The following BMS1 variants were observed in gnomAD, a reference collection of about 807,000 sequenced individuals.
BMS1 encodes BMS1 ribosome biogenesis factor.
A neutral mutation model predicts 138.7 loss-of-function variants in BMS1; 53 were observed. The ratio of observed to expected loss-of-function variants is 0.38; its 90% CI spans 0.31 to 0.48. The LOEUF is 0.48. Among genes scored for constraint, BMS1 ranks in the 20% least tolerant of loss-of-function variants. The pLI is 0.97. For missense variants in BMS1, 1,360 were observed against 1,565.5 expected (o/e 0.87, Z 2.22); for synonymous variants, 504 against 539.9 (o/e 0.93, Z 0.92).
intron 21 of BMS1, among the ~76,000 whole-genome samples, chr10:42,828,048 AGT>A: frequency 6.6e-6 from 1 of 152,346 alleles, no homozygotes; most frequent in Non-Finnish European, 1.5e-5. Context: ...CCAAATCATA[AGT>A]GTGCAGCTAG....
intron 21 of BMS1, among the ~76,000 whole-genome samples, chr10:42,829,062 CTT>C (rs1362392977): frequency 6.6e-6 from 1 of 152,182 alleles, no homozygotes; most frequent in African/African-American, 2.4e-5. Context: ...ATATAGTTGA[CTT>C]TAACAAAAGC....
chr10:42,793,061 T>A lies in BMS1; in HGVS notation c.1006T>A (p.Tyr336Asn), dbSNP rs1841563509. ...RCLNEKEKLV[Y>N]APLSGVGGVL... ...TTTAAATGAGAAGGAGAAGCTGGTT[T>A]ATGCGCCTCTTTCTGGAGTTGGGGG... The change falls in exon 8 of 23, where the codon TAT becomes AAT. Residue 336 changes from tyrosine to asparagine, a missense_variant. Transcript: ENST00000374518. 3 of 1,613,970 alleles carry A rather than the reference T, an allele frequency of 1.9e-6. No individual in the cohort carries two copies. Among genetic ancestry groups the A allele is most frequent in the Non-Finnish European group, 2.5e-6 (3 of 1,180,000 alleles).
intron 9 of BMS1, 44 bp downstream of exon 9, chr10:42,794,035 A>G (rs1413171416): frequency 6.3e-7 from 1 of 1,589,834 alleles, no homozygotes; most frequent in East Asian, 2.2e-5. Context: ...GATGTATTAC[A>G]AAAGATCATA....
chr10:42,784,843 A>C (rs1248577045), intron 2 of BMS1, among the ~76,000 whole-genome samples: 1 of 152,222 alleles, frequency 6.6e-6, no homozygotes, highest in East Asian at 1.9e-4. Flanking sequence ...TATGGTGATA[A>C]GTGTGCTTTT....
At chr10:42,816,173 C>G (rs188053160) in intron 13 of BMS1, among the ~76,000 whole-genome samples, 34 of 152,202 alleles carry the variant, frequency 2.2e-4, no homozygotes, top group Middle Eastern at 6.8e-3. Flanking sequence ...GTGGCGGGTG[C>G]CTATAATCCC....
At chr10:42,794,536 A>C (rs1245537059) in intron 9 of BMS1, among the ~76,000 whole-genome samples, 1 of 150,684 alleles carries the variant, frequency 6.6e-6, no homozygotes, top group Non-Finnish European at 1.5e-5. Context: ...AATTTATCTG[A>C]AAATTTTGAG....
chr10:42,796,682 G>A lies in BMS1; in HGVS notation c.1438G>A (p.Val480Ile). 1 of 1,614,196 alleles carries A rather than the reference G, an allele frequency of 6.2e-7. No homozygotes were observed. Among genetic ancestry groups the A allele is most frequent in the Non-Finnish European group, 8.5e-7 (1 of 1,180,036 alleles). The change falls in exon 10 of 23, where the codon GTT becomes ATT. Residue 480 changes from valine (V) to isoleucine (I), a missense_variant. Around this residue, in one of 3 missense-constraint regions of BMS1, gnomAD observed 697 missense variants for 686.2 expected, o/e 1.02. Coordinates refer to ENST00000374518, the MANE Select transcript of BMS1 (RefSeq NM_014753.4). ...TGAGATGACTGATCAGTATATGGCT[G>A]TTAAGGGCATCAAACGACGGAAACT... Reference protein sequence around the residue: ...NAEMTDQYMAVKGIKRRKLEL... With the variant: ...NAEMTDQYMAIKGIKRRKLEL...
intron 13 of BMS1, among the ~76,000 whole-genome samples, chr10:42,809,700 T>C (rs1842112141): frequency 6.6e-6 from 1 of 152,228 alleles, no homozygotes; most frequent in Non-Finnish European, 1.5e-5. Context: ...GATTGGATGT[T>C]GAATTTTGTC....
chr10:42,790,591 CA>C, intron 5 of BMS1, 80 bp downstream of exon 5: 2 of 1,436,212 alleles, frequency 1.4e-6, no homozygotes, highest in Non-Finnish European at 1.9e-6. Context: ...CAGTGGCTAA[CA>C]CCTGTAATCC....
intron 13 of BMS1, among the ~76,000 whole-genome samples, chr10:42,807,018 T>C (rs555335196): frequency 6.6e-6 from 1 of 152,294 alleles, no homozygotes; most frequent in African/African-American, 2.4e-5. Context: ...CCTATGTAGA[T>C]TTCTCCAGTT....
At chr10:42,816,755 A>T (rs1403198769) in intron 14 of BMS1, 83 bp downstream of exon 14, 66 of 1,128,024 alleles carry the variant, frequency 5.9e-5, no homozygotes, top group Non-Finnish European at 7.6e-5. Flanking sequence ...CTTACTTGTG[A>T]TGTGTGAAGA....
In BMS1 at chr10:42,796,791, G is replaced by T. The variant is rs1328541612; in HGVS notation, c.1547G>T (p.Gly516Val). 12 of 1,614,216 alleles carry T rather than the reference G, an allele frequency of 7.4e-6. No individual in the cohort carries two copies. The highest frequency in any genetic ancestry group is 1.0e-5 in the Non-Finnish European group (12 of 1,180,040). ...DDLERSSAEE[G>V]EAEEADESSE... ...CTTGAGAGGAGCTCAGCGGAAGAAG[G>T]GGAAGCGGAGGAAGCTGATGAAAGC... Residue 516 changes from glycine (G) to valine (V), a missense_variant, in exon 10 of 23, where the codon GGG (glycine) becomes GTG (valine). This residue lies in a region of BMS1 where 697 missense variants were observed against 686.2 expected (regional missense o/e 1.02). Coordinates refer to ENST00000374518, the MANE Select transcript of BMS1 (RefSeq NM_014753.4).
intron 2 of BMS1, 143 bp downstream of exon 2, chr10:42,784,713 C>T (rs558127236): frequency 3.0e-4 from 293 of 968,024 alleles, no homozygotes; most frequent in Non-Finnish European, 3.8e-4. Context: ...TTCACTAAAA[C>T]GTGAGAAGCT....
Position 42,821,073 on chromosome 10 carries a change from T to A in BMS1, c.3009+81T>A, listed in dbSNP as rs1842492152. On this transcript the variant is annotated intron_variant, in intron 18 of 22. Transcript: ENST00000374518. Reference sequence around the variant, plus strand: ...GTGGGTTATTATGTACATGAGACTTTAAGTTGAAAATTACTCATTTTTATT... The same window carrying A: ...GTGGGTTATTATGTACATGAGACTTAAAGTTGAAAATTACTCATTTTTATT... 37 of 1,166,268 alleles carry A rather than the reference T, an allele frequency of 3.2e-5. No homozygotes were observed. In the South Asian group the frequency reaches 4.8e-4, roughly 15 times the overall value. The allele number at this position is 1,166,268 out of a possible 1,614,324, so 72.2% of individuals were successfully genotyped here. A position where few individuals can be genotyped will look rare whatever the true frequency, so the allele number is the denominator to read the frequency against.
chr10:42,822,915 A>G (rs1428609588), intron 19 of BMS1, among the ~76,000 whole-genome samples: 2 of 152,226 alleles, frequency 1.3e-5, no homozygotes, highest in Admixed American at 1.3e-4. Context: ...ATGAACTGAC[A>G]TGATTATTTT....
chr10:42,792,959 G>C lies in BMS1; in HGVS notation c.904G>C (p.Val302Leu). 1 of 1,610,550 alleles carries C rather than the reference G, an allele frequency of 6.2e-7. No individual in the cohort carries two copies. The highest frequency in any genetic ancestry group is 1.1e-5 in the South Asian group (1 of 90,414). Residue 302 changes from valine (V) to leucine (L), a missense_variant and splice_region_variant, in exon 8 of 23, where the codon GTA (valine) becomes CTA (leucine). This residue lies in a region of BMS1 where 697 missense variants were observed against 686.2 expected (regional missense o/e 1.02). Coordinates refer to ENST00000374518, the MANE Select transcript of BMS1 (RefSeq NM_014753.4). The part of the protein sequence containing the change: ...KNKSQIHMPG[V>L]GDFAVSDISF... Reference sequence around the variant, plus strand: ...GGCTTTTGGGTTCTGTCTTCCAGGGGTAGGAGATTTTGCCGTGAGTGACAT... The same window carrying C: ...GGCTTTTGGGTTCTGTCTTCCAGGGCTAGGAGATTTTGCCGTGAGTGACAT...
rs1841688682 is a variant in BMS1, at chr10:42,796,548, A to G, written c.1304A>G (p.Asp435Gly). Residue 435 changes from aspartate (D) to glycine (G), a missense_variant, in exon 10 of 23, where the codon GAT (aspartate) becomes GGT (glycine). Asp to Gly is a moderately conservative substitution (Grantham distance 94). Coordinates refer to ENST00000374518, the MANE Select transcript of BMS1 (RefSeq NM_014753.4). Reference sequence around the variant, plus strand: ...ATGCGTCGGAAAGCCATTTTCGGAGATGAAGATGAATCTGGAGATAGTGAT... The same window carrying G: ...ATGCGTCGGAAAGCCATTTTCGGAGGTGAAGATGAATCTGGAGATAGTGAT... ...GRMRRKAIFG[D>G]EDESGDSDDE... 6.2e-7 allele frequency: 1 copy of G among 1,614,228 alleles called. No homozygotes were observed. The highest frequency in any genetic ancestry group is 1.3e-5 in the African/African-American group (1 of 75,060).
In BMS1 at chr10:42,785,438, A is replaced by G. The variant is rs1193745438; in HGVS notation, c.177-44A>G. On this transcript the variant is annotated intron_variant, in intron 2 of 22. Coordinates refer to ENST00000374518, the MANE Select transcript of BMS1 (RefSeq NM_014753.4). ...TTGATACCTTTTACTCTATTTTGAA[A>G]ATGAGTTTACTATTTATTTATTTGT... 3 of 1,520,900 alleles carry G rather than the reference A, an allele frequency of 2.0e-6. No individual in the cohort carries two copies. The South Asian group carries it at 3.9e-5, about 20-fold the overall frequency. 94.2% of individuals were successfully genotyped at this position (1,520,900 alleles called of 1,614,324 possible). A position where few individuals can be genotyped will look rare whatever the true frequency, so the allele number is the denominator to read the frequency against.
chr10:42,818,809 G>C (rs1842421754), intron 15 of BMS1, among the ~76,000 whole-genome samples: 1 of 152,180 alleles, frequency 6.6e-6, no homozygotes, highest in African/African-American at 2.4e-5. Context: ...AGCAAGACTG[G>C]CATGGGCGAG....
Sources: allele counts gnomAD v4.1 joint callset (sites outside exome capture counted in the v4.1 genomes callset), GRCh38; gene constraint gnomAD v4.1.1; regional missense constraint gnomAD v4.1.1; transcripts MANE v1.5; gene names NCBI Gene and HGNC (gene_info 2026-07-23, HGNC 2026-07-21).